SLC10A7: variants seen among roughly 807,000 people sequenced by gnomAD.
The protein encoded by SLC10A7 is solute carrier family 10 member 7.
A neutral mutation model predicts 43.2 loss-of-function variants in SLC10A7; 29 were observed. That is an observed-to-expected ratio of 0.67 (90% CI 0.50 to 0.92). The LOEUF (loss-of-function observed/expected upper bound fraction) is 0.92. SLC10A7 is among the 40% of genes least tolerant of loss of function. The pLI, the probability that SLC10A7 is intolerant of heterozygous loss-of-function variation, is 0.00. For missense variants in SLC10A7, 295 were observed against 403.2 expected (o/e 0.73, Z 2.30); for synonymous variants, 152 against 144.8 (o/e 1.05, Z -0.35).
intron 5 of SLC10A7, among the ~76,000 whole-genome samples, chr4:146,437,950 C>T (rs1730323791): frequency 6.6e-6 from 1 of 151,816 alleles, no homozygotes; most frequent in South Asian, 2.1e-4. Context: ...TTGTCATTCA[C>T]TAGGGTTTCC....
intron 2 of SLC10A7, chr4:146,515,156 G>A (rs752711778): frequency 7.1e-6 from 5 of 702,420 alleles, no homozygotes; most frequent in South Asian, 1.5e-5. Flanking sequence ...AAGAAGCTAA[G>A]GAGTGAGAGA....
At chr4:146,328,293 G>A (rs1733298099) in intron 5 of SLC10A7, among the ~76,000 whole-genome samples, 1 of 152,124 alleles carries the variant, frequency 6.6e-6, no homozygotes. Context: ...CATGTTGTCT[G>A]GGGGCCTCGG....
intron 5 of SLC10A7, among the ~76,000 whole-genome samples, chr4:146,416,596 G>C (rs1728581932): frequency 6.6e-6 from 1 of 152,090 alleles, no homozygotes; most frequent in South Asian, 2.1e-4. Context: ...ATTACTTAAA[G>C]TTCTGATAGG....
chr4:146,280,968 A>C (rs1030275888), intron 10 of SLC10A7, among the ~76,000 whole-genome samples: 1 of 152,172 alleles, frequency 6.6e-6, no homozygotes, highest in Non-Finnish European at 1.5e-5. Context: ...GCCTATGTCT[A>C]TCATGTTATG....
At chr4:146,385,950 TATGTACCAC>T (rs1235288754) in intron 5 of SLC10A7, among the ~76,000 whole-genome samples, 1 of 152,208 alleles carries the variant, frequency 6.6e-6, no homozygotes, top group Non-Finnish European at 1.5e-5. Context: ...CCATAGTGTA[TATGTACCAC>T]ATTTTCTTTA....
chr4:146,362,496 C>G (rs1736115629), intron 5 of SLC10A7, among the ~76,000 whole-genome samples: 1 of 152,034 alleles, frequency 6.6e-6, no homozygotes, highest in African/African-American at 2.4e-5. Context: ...ATACTATATA[C>G]AGCAAAATTA....
chr4:146,413,021 G>C (rs1212359582), intron 5 of SLC10A7, among the ~76,000 whole-genome samples: 2 of 151,940 alleles, frequency 1.3e-5, no homozygotes, highest in African/African-American at 4.8e-5. Context: ...ATTTCAACCA[G>C]ATTGAATTAG....
intron 5 of SLC10A7, among the ~76,000 whole-genome samples, chr4:146,440,149 A>C (rs941705731): frequency 9.2e-5 from 14 of 152,168 alleles, no homozygotes; most frequent in Admixed American, 6.5e-5. Context: ...GTAAATTGCC[A>C]TATTTCCCAA....
chr4:146,511,223 G>T (rs1160315744), intron 2 of SLC10A7, among the ~76,000 whole-genome samples: 1 of 151,960 alleles, frequency 6.6e-6, no homozygotes, highest in Non-Finnish European at 1.5e-5. Context: ...AACTAAAAAA[G>T]GATAATTAGT....
intron 7 of SLC10A7, among the ~76,000 whole-genome samples, chr4:146,301,419 T>A (rs570806380): frequency 8.5e-5 from 13 of 152,180 alleles, no homozygotes; most frequent in African/African-American, 3.1e-4. Context: ...TGGGCCAGAC[T>A]GTGAAGGGCT....
chr4:146,366,533 T>C (rs1269252444), intron 5 of SLC10A7, among the ~76,000 whole-genome samples: 3 of 152,188 alleles, frequency 2.0e-5, no homozygotes, highest in Non-Finnish European at 4.4e-5. Flanking sequence ...AAATATCAAA[T>C]GATAAAATGC....
At chr4:146,431,488 C>T (rs1579169522) in intron 5 of SLC10A7, among the ~76,000 whole-genome samples, 1 of 151,894 alleles carries the variant, frequency 6.6e-6, no homozygotes, top group East Asian at 1.9e-4. Flanking sequence ...TTTTACCTGA[C>T]ATTGTGATAG....
chr4:146,287,447 G>T lies in SLC10A7; in HGVS notation c.774-4182C>A, dbSNP rs187752619. ...AGCTGGAAGCAAAAGTGAACAAGGGGAGTGAAAAATATGGAGATTTTTCAG... is the reference window on the plus strand; with the variant it reads ...AGCTGGAAGCAAAAGTGAACAAGGGTAGTGAAAAATATGGAGATTTTTCAG... On this transcript the variant is annotated intron_variant, in intron 9 of 11. Transcript: ENST00000335472. Among the ~76,000 whole-genome samples, 4 of 152,250 alleles carry T rather than the reference G, an allele frequency of 2.6e-5. No individual in the cohort carries two copies. In the East Asian group the frequency reaches 7.7e-4, roughly 29 times the overall value.
At chr4:146,425,146 G>A (rs558405279) in intron 5 of SLC10A7, among the ~76,000 whole-genome samples, 1 of 152,318 alleles carries the variant, frequency 6.6e-6, no homozygotes, top group Admixed American at 6.5e-5. Flanking sequence ...CTGAACATGT[G>A]TATGTGATTG....
rs190305035 is a variant in SLC10A7 at position 146,455,486 on chromosome 4, G to C, written c.397-12665C>G. ...TGTTTCTTACGAATTTTAGACTCTA[G>C]CTTTCTTAACTCTGTTATTTCTGCT... On this transcript the variant is annotated intron_variant, in intron 4 of 11. Coordinates refer to ENST00000335472, the MANE Select transcript of SLC10A7 (RefSeq NM_001029998.6). 2.5e-3 allele frequency among the ~76,000 whole-genome samples: 384 copies of C among 151,996 alleles called. 3 individuals are homozygous for C. The highest frequency in any genetic ancestry group is 9.0e-3 in the African/African-American group (375 of 41,516).
chr4:146,400,795 T>C (rs1223435377), intron 5 of SLC10A7, among the ~76,000 whole-genome samples: 1 of 152,168 alleles, frequency 6.6e-6, no homozygotes, highest in Non-Finnish European at 1.5e-5. Flanking sequence ...TAAGGGTTTC[T>C]ACCTTCCCTA....
chr4:146,410,811 C>A (rs1283837283), intron 5 of SLC10A7, among the ~76,000 whole-genome samples: 2 of 152,158 alleles, frequency 1.3e-5, no homozygotes, highest in Non-Finnish European at 1.5e-5. Flanking sequence ...TAAGGCATAT[C>A]TTGTTCATAG....
intron 5 of SLC10A7, among the ~76,000 whole-genome samples, chr4:146,350,355 A>G (rs1734970370): frequency 6.7e-6 from 1 of 150,160 alleles, no homozygotes; most frequent in South Asian, 2.2e-4. Flanking sequence ...ACGAGACTAT[A>G]TCCCACACCT....
chr4:146,379,436 T>C (rs1165424022), intron 5 of SLC10A7, among the ~76,000 whole-genome samples: 1 of 152,166 alleles, frequency 6.6e-6, no homozygotes. Context: ...AGACCTCCAA[T>C]AAAAAAGTTA....
Sources: allele counts gnomAD v4.1 joint callset (sites outside exome capture counted in the v4.1 genomes callset), GRCh38; gene constraint gnomAD v4.1.1; transcripts MANE v1.5; gene names NCBI Gene and HGNC (gene_info 2026-07-23, HGNC 2026-07-21).